The following NPNT variants were observed in gnomAD, a reference collection of about 807,000 sequenced individuals.
NPNT encodes nephronectin.
In NPNT, 45 loss-of-function variants were observed where a neutral mutation model predicts 68.6. The ratio of observed to expected loss-of-function variants is 0.66; its 90% CI spans 0.52 to 0.84. NPNT has a LOEUF of 0.84. Among genes scored for constraint, NPNT ranks in the 40% least tolerant of loss-of-function variants. The probability of loss-of-function intolerance (pLI) is 0.00; values close to 1 mark genes in which losing one functional copy is unlikely to be tolerated. For missense variants in NPNT, 672 were observed against 714.8 expected (o/e 0.94, Z 0.68); for synonymous variants, 233 against 253.3 (o/e 0.92, Z 0.76).
intron 3 of NPNT, chr4:105,932,512 C>T: frequency 1.5e-6 from 1 of 674,776 alleles, no homozygotes; most frequent in Admixed American, 2.5e-5. Context: ...TTAAACTCTA[C>T]CAACTGTATG....
At chr4:105,951,847 A>G (rs1416180189) in intron 8 of NPNT, among the ~76,000 whole-genome samples, 2 of 152,202 alleles carry the variant, frequency 1.3e-5, no homozygotes, top group South Asian at 2.1e-4. Flanking sequence ...TTGAAGTTAC[A>G]TGCACATTTG....
intron 8 of NPNT, among the ~76,000 whole-genome samples, chr4:105,950,270 T>A (rs1730715595): frequency 6.6e-6 from 1 of 152,142 alleles, no homozygotes; most frequent in Non-Finnish European, 1.5e-5. Context: ...GAAACAGATT[T>A]TTTTTCCCCA....
chr4:105,942,780 A>C (rs1469781284), intron 8 of NPNT, 78 bp downstream of exon 8: 3 of 1,352,754 alleles, frequency 2.2e-6, no homozygotes, highest in Non-Finnish European at 3.0e-6. Context: ...GCCTTGAATA[A>C]GAATGAAACT....
chr4:105,895,526 C>T lies in NPNT; in HGVS notation c.-127C>T, dbSNP rs1725741343. 2.7e-6 allele frequency: 2 copies of T among 740,832 alleles called. No individual in the cohort carries two copies. Among genetic ancestry groups the T allele is most frequent in the Non-Finnish European group, 4.3e-6 (2 of 460,686 alleles). 45.9% of individuals were successfully genotyped at this position (740,832 alleles called of 1,614,324 possible). On this transcript the variant is annotated 5_prime_UTR_variant, in exon 1 of 12. Coordinates refer to ENST00000379987, the MANE Select transcript of NPNT (RefSeq NM_001033047.3). ...CGCCGCTGTCCTCCGGGAGCGGCAG[C>T]AGTAGCCCGGGCGGCGAGGGCTGGG...
At position 105,952,503 on chromosome 4, in the gene NPNT, A is replaced by T. The variant is rs1394432765; in HGVS notation, c.1160-5968A>T. ...GGAAATTTACATGATTGATCTGATG[A>T]GTGCATCCAGCCTGGGCAGCAGAGC... On this transcript the variant is annotated intron_variant, in intron 8 of 11. Transcript: ENST00000379987. Among the ~76,000 whole-genome samples the T allele has an allele frequency of 2.0e-5, 3 of 152,202 alleles. No homozygotes were observed. The East Asian group carries it at 5.8e-4, about 29-fold the overall frequency.
rs576554834 is a variant in NPNT at position 105,935,406 on chromosome 4, A to C, written c.266-1603A>C. Among the ~76,000 whole-genome samples the C allele has an allele frequency of 5.3e-5, 8 of 152,314 alleles. No homozygotes were observed. The East Asian group carries it at 1.5e-3, about 29-fold the overall frequency. On this transcript the variant is annotated intron_variant, in intron 3 of 11. Transcript: ENST00000379987. ...ATTAACTCCTCTTAGAAGATGAGAA[A>C]AGTTTCCCTCTCATTTTTAGTAAAT...
rs1731426207 is a variant in NPNT, at chr4:105,958,566, T to C, written c.1246+9T>C. 1 of 1,470,122 alleles carries C rather than the reference T, an allele frequency of 6.8e-7. No homozygotes were observed. The highest frequency in any genetic ancestry group is 1.4e-5 in the African/African-American group (1 of 71,962). The allele number at this position is 1,470,122 out of a possible 1,614,324, so 91.1% of individuals were successfully genotyped here. On this transcript the variant is annotated intron_variant, in intron 9 of 11. Transcript: ENST00000379987. ...AGCAAAGGATGATCCAGGTGACACT[T>C]ACACTCTTAGTGCCATCATAATGAC...
At chr4:105,920,369 TG>T (rs1488971942) in intron 2 of NPNT, among the ~76,000 whole-genome samples, 3 of 135,452 alleles carry the variant, frequency 2.2e-5, no homozygotes, top group Non-Finnish European at 1.5e-5. Flanking sequence ...AGGTGCTAGC[TG>T]TGGGCATTGC....
chr4:105,946,846 G>A (rs1239731537), intron 8 of NPNT, among the ~76,000 whole-genome samples: 2 of 152,140 alleles, frequency 1.3e-5, no homozygotes. Flanking sequence ...GTATTGTCTT[G>A]ATAAACATCT....
chr4:105,925,289 A>T (rs1728600951), intron 2 of NPNT, among the ~76,000 whole-genome samples: 1 of 151,966 alleles, frequency 6.6e-6, no homozygotes, highest in Non-Finnish European at 1.5e-5. Flanking sequence ...TATCATTTAC[A>T]CTCTGCTTGT....
At chr4:105,966,489 G>T (rs1000617518) in intron 10 of NPNT, among the ~76,000 whole-genome samples, 5 of 152,110 alleles carry the variant, frequency 3.3e-5, no homozygotes, top group African/African-American at 1.2e-4. Context: ...GAATAGATAT[G>T]ATATAGATTT....
At position 105,971,272 on chromosome 4, in the gene NPNT, T is replaced by A. The variant is rs1433506274; in HGVS notation, c.*2282T>A. 2.5e-6 allele frequency: 1 copy of A among 407,186 alleles called. No homozygotes were observed. The highest frequency in any genetic ancestry group is 2.1e-5 in the African/African-American group (1 of 48,308). The allele number at this position is 407,186 out of a possible 1,614,324, so 25.2% of individuals were successfully genotyped here. On this transcript the variant is annotated 3_prime_UTR_variant, in exon 12 of 12. Transcript: ENST00000379987. ...AGTATGATTCAGTTTCTCTTATCAATTGGACTCTCCCAGGTTCCACAGAAC... is the reference window on the plus strand; with the variant it reads ...AGTATGATTCAGTTTCTCTTATCAAATGGACTCTCCCAGGTTCCACAGAAC...
At chr4:105,925,328 A>G (rs959119853) in intron 2 of NPNT, among the ~76,000 whole-genome samples, 3 of 152,118 alleles carry the variant, frequency 2.0e-5, no homozygotes, top group African/African-American at 7.2e-5. Context: ...TTTACATTAA[A>G]TACCTCCTAC....
At chr4:105,928,465 T>C (rs1158878823) in intron 3 of NPNT, among the ~76,000 whole-genome samples, 2 of 151,842 alleles carry the variant, frequency 1.3e-5, no homozygotes, top group African/African-American at 2.4e-5. Context: ...AATACGAAAT[T>C]AGCTGCGTGT....
Position 105,911,983 on chromosome 4 carries a change from T to G in NPNT, c.172+13982T>G, listed in dbSNP as rs552021787. 57 of 536,272 alleles carry G rather than the reference T, an allele frequency of 1.1e-4. No individual in the cohort carries two copies. In the East Asian group the frequency reaches 1.8e-3, roughly 17 times the overall value. 33.2% of individuals were successfully genotyped at this position (536,272 alleles called of 1,614,324 possible). A position where few individuals can be genotyped will look rare whatever the true frequency, so the allele number is the denominator to read the frequency against. On this transcript the variant is annotated intron_variant, in intron 2 of 11. Transcript: ENST00000379987. ...AACTTCAATTATTGGTTAATATTTT[T>G]GTTATGAAATGTTTTTTTATAACAA...
Position 105,933,289 on chromosome 4 carries a change from A to G in NPNT, c.266-3720A>G, listed in dbSNP as rs982594342. On this transcript the variant is annotated intron_variant, in intron 3 of 11. Coordinates refer to ENST00000379987, the MANE Select transcript of NPNT (RefSeq NM_001033047.3). ...GCCTGTGGGGTTGGCGTGAGAATAGAAACACCAAAAATATTAATGTCTTCG... is the reference window on the plus strand; with the variant it reads ...GCCTGTGGGGTTGGCGTGAGAATAGGAACACCAAAAATATTAATGTCTTCG... Among the ~76,000 whole-genome samples the G allele has an allele frequency of 2.6e-5, 4 of 152,212 alleles. No homozygotes were observed. In the East Asian group the frequency reaches 5.8e-4, roughly 22 times the overall value.
At chr4:105,959,333 A>G (rs942477412) in intron 10 of NPNT, among the ~76,000 whole-genome samples, 1 of 152,176 alleles carries the variant, frequency 6.6e-6, no homozygotes, top group African/African-American at 2.4e-5. Context: ...ATTATGGGAG[A>G]CAAGTAGTTA....
intron 3 of NPNT, among the ~76,000 whole-genome samples, chr4:105,928,039 T>A (rs1356330445): frequency 1.3e-5 from 2 of 152,174 alleles, no homozygotes; most frequent in Non-Finnish European, 2.9e-5. Context: ...TACAACAACA[T>A]TAGGAAGTAG....
Position 105,937,112 on chromosome 4 carries a change from G to C in NPNT, c.369G>C (p.Pro123=). The C allele has an allele frequency of 6.2e-7, 1 of 1,613,420 alleles. No homozygotes were observed. Among genetic ancestry groups the C allele is most frequent in the Non-Finnish European group, 8.5e-7 (1 of 1,179,596 alleles). The change falls in exon 4 of 12, where the codon CCG becomes CCC. Residue 123 remains proline (P), a synonymous_variant. Coordinates refer to ENST00000379987, the MANE Select transcript of NPNT (RefSeq NM_001033047.3). ...GTCTCAACGGATATATGCTCATGCC[G>C]GATGGTTCCTGCTCAAGTATGTCAA... ...CYCLNGYMLM[P]DGSCSSALTC... is the part of the protein sequence containing the mutation.
Sources: allele counts gnomAD v4.1 joint callset (sites outside exome capture counted in the v4.1 genomes callset), GRCh38; gene constraint gnomAD v4.1.1; transcripts MANE v1.5; gene names NCBI Gene and HGNC (gene_info 2026-07-23, HGNC 2026-07-21).